COL19A1: variants seen among roughly 807,000 people sequenced by gnomAD.
The protein encoded by COL19A1 is collagen alpha-1(XIX) chain.
In COL19A1, 159 loss-of-function variants were observed where a neutral mutation model predicts 190.2. The ratio of observed to expected loss-of-function variants is 0.84; its 90% CI spans 0.73 to 0.95. The LOEUF (loss-of-function observed/expected upper bound fraction) is 0.95, where lower values mean the gene tolerates loss of function less well. COL19A1 is among the 40% of genes least tolerant of loss of function. COL19A1 has a pLI of 0.00. For synonymous variants in COL19A1, 509 were observed against 458.9 expected (o/e 1.11, Z -1.39); for missense variants, 1,418 against 1,431.9 (o/e 0.99, Z 0.16).
At chr6:70,084,958 C>G (rs1782494194) in intron 15 of COL19A1, among the ~76,000 whole-genome samples, 1 of 152,156 alleles carries the variant, frequency 6.6e-6, no homozygotes, top group Non-Finnish European at 1.5e-5. Context: ...CTTAGCCTCT[C>G]TGAGTCTCAG....
intron 14 of COL19A1, among the ~76,000 whole-genome samples, chr6:70,057,299 C>T (rs1192217292): frequency 6.6e-6 from 1 of 152,018 alleles, no homozygotes; most frequent in Admixed American, 6.6e-5. Flanking sequence ...CAGACCATGA[C>T]CTACCAATTT....
In COL19A1 at chr6:70,023,620, T is replaced by A. The variant is rs1357551300; in HGVS notation, c.1027-7T>A. On this transcript the variant is annotated splice_polypyrimidine_tract_variant and splice_region_variant and intron_variant, in intron 11 of 50. Transcript: ENST00000620364. ...GATTTTTCATTGTATAAATTGTTTC[T>A]TTTTAGGGTGAACAAGGAGAAAAAG... The A allele has an allele frequency of 6.2e-7, 1 of 1,605,506 alleles. No individual in the cohort carries two copies. The highest frequency in any genetic ancestry group is 2.2e-5 in the East Asian group (1 of 44,784).
chr6:70,022,578 T>G (rs1778473506), intron 11 of COL19A1, among the ~76,000 whole-genome samples: 1 of 152,162 alleles, frequency 6.6e-6, no homozygotes, highest in Admixed American at 6.5e-5. Flanking sequence ...TATACACTTT[T>G]CAGGTGGCAA....
intron 2 of COL19A1, chr6:69,879,975 A>G: frequency 2.7e-6 from 1 of 366,256 alleles, no homozygotes. Flanking sequence ...TTCAATAATT[A>G]TTCAAGTTAT....
intron 11 of COL19A1, among the ~76,000 whole-genome samples, chr6:69,965,729 T>G (rs1444445101): frequency 6.6e-6 from 1 of 152,180 alleles, no homozygotes; most frequent in Non-Finnish European, 1.5e-5. Context: ...AGATGACAGC[T>G]ATTTGCAGGT....
chr6:70,067,606 T>C (rs1230440173), intron 14 of COL19A1, among the ~76,000 whole-genome samples: 1 of 151,922 alleles, frequency 6.6e-6, no homozygotes, highest in Non-Finnish European at 1.5e-5. Flanking sequence ...TGGGAATTGC[T>C]GGTCTAGAGA....
intron 16 of COL19A1, among the ~76,000 whole-genome samples, chr6:70,116,917 A>G (rs1784612537): frequency 6.6e-6 from 1 of 152,200 alleles, no homozygotes; most frequent in Non-Finnish European, 1.5e-5. Flanking sequence ...GTAACCTGAA[A>G]ACATGTAATT....
At chr6:70,008,651 T>C (rs1400204089) in intron 11 of COL19A1, among the ~76,000 whole-genome samples, 1 of 151,674 alleles carries the variant, frequency 6.6e-6, no homozygotes, top group East Asian at 1.9e-4. Flanking sequence ...TTTTCAAAAA[T>C]CAAAAAGGAG....
Position 70,144,936 on chromosome 6 carries a change from A to T in COL19A1, c.1699A>T (p.Ile567Leu). 6.3e-7 allele frequency: 1 copy of T among 1,583,532 alleles called. No homozygotes were observed. Among genetic ancestry groups the T allele is most frequent in the Non-Finnish European group, 8.6e-7 (1 of 1,162,748 alleles). The change falls in exon 25 of 51, where the codon ATA (isoleucine) becomes TTA (leucine). Residue 567 changes from isoleucine (I) to leucine (L), a missense_variant. Transcript: ENST00000620364. Reference sequence around the variant, plus strand: ...TCTACAGGGAGATCCGGGTGGGATCATAGGCCCTCCCGGGCTTCCAGGTCC... The same window carrying T: ...TCTACAGGGAGATCCGGGTGGGATCTTAGGCCCTCCCGGGCTTCCAGGTCC... ...KGEKGDPGGI[I>L]GPPGLPGPKG...
chr6:70,101,742 A>G (rs1783643983), intron 15 of COL19A1, among the ~76,000 whole-genome samples: 1 of 152,182 alleles, frequency 6.6e-6, no homozygotes, highest in South Asian at 2.1e-4. Flanking sequence ...CATGTTTAAC[A>G]CCCAAACTCA....
At chr6:69,930,812 C>T (rs146362146) in intron 6 of COL19A1, among the ~76,000 whole-genome samples, 232 of 152,058 alleles carry the variant, frequency 1.5e-3, no homozygotes, top group African/African-American at 5.3e-3. Flanking sequence ...AAACAAAAAA[C>T]AAACAAACAA....
At chr6:69,981,784 A>G (rs140637488) in intron 11 of COL19A1, among the ~76,000 whole-genome samples, 2 of 152,258 alleles carry the variant, frequency 1.3e-5, no homozygotes, top group East Asian at 1.9e-4. Flanking sequence ...ACATAGATAC[A>G]TGCATTGCAT....
At chr6:69,901,768 TC>T (rs1770207603) in intron 4 of COL19A1, among the ~76,000 whole-genome samples, 1 of 152,242 alleles carries the variant, frequency 6.6e-6, no homozygotes, top group Non-Finnish European at 1.5e-5. Flanking sequence ...AGATGCATTT[TC>T]TCTCCCCATC....
chr6:69,926,045 G>A (rs1582424893), intron 4 of COL19A1, among the ~76,000 whole-genome samples: 1 of 152,138 alleles, frequency 6.6e-6, no homozygotes, highest in African/African-American at 2.4e-5. Flanking sequence ...GGGACAATTT[G>A]ACTTCCTCTT....
chr6:70,146,643 A>ATTTT lies in COL19A1; in HGVS notation c.1771-16_1771-15insTTTT. 1 of 1,592,658 alleles carries ATTTT rather than the reference A, an allele frequency of 6.3e-7. No homozygotes were observed. On this transcript the variant is annotated splice_polypyrimidine_tract_variant and intron_variant, in intron 25 of 50. Transcript: ENST00000620364. ...TTTCTAGAAGAAGATATGTATTCATACTTTTTTTCTTTTAGGGATTAGATG... is the reference window on the plus strand; with the variant it reads ...TTTCTAGAAGAAGATATGTATTCATATTTTCTTTTTTTCTTTTAGGGATTAGATG...
At position 70,079,759 on chromosome 6, in the gene COL19A1, T is replaced by G. The variant is rs1022151249; in HGVS notation, c.1224+11283T>G. ...AAGAGTGTAGTAGATATTGAGAAAG[T>G]CAGGGGATTATGAACTATTATTCTC... On this transcript the variant is annotated intron_variant, in intron 15 of 50. Transcript: ENST00000620364. 3.9e-5 allele frequency among the ~76,000 whole-genome samples: 6 copies of G among 152,206 alleles called. No homozygotes were observed. In the East Asian group the frequency reaches 1.2e-3, roughly 29 times the overall value.
At chr6:69,982,965 C>G (rs1384128067) in intron 11 of COL19A1, among the ~76,000 whole-genome samples, 1 of 145,172 alleles carries the variant, frequency 6.9e-6, no homozygotes, top group African/African-American at 2.6e-5. Flanking sequence ...GAGCGAGACT[C>G]TGTCTCAAAA....
In COL19A1 at chr6:70,079,479, G is replaced by A. The variant is rs557851148; in HGVS notation, c.1224+11003G>A. On this transcript the variant is annotated intron_variant, in intron 15 of 50. Coordinates refer to ENST00000620364, the MANE Select transcript of COL19A1 (RefSeq NM_001858.6). ...GGGAGAAACTAGAAAGAAAAGAACT[G>A]AAAGTAGAACCTTGAAATTTGGGTA... is the stretch of plus-strand genomic sequence containing the variant. Among the ~76,000 whole-genome samples, 4 of 152,290 alleles carry A rather than the reference G, an allele frequency of 2.6e-5. No homozygotes were observed. In the East Asian group the frequency reaches 5.8e-4, roughly 22 times the overall value.
At chr6:70,079,153 C>T (rs1782081522) in intron 15 of COL19A1, among the ~76,000 whole-genome samples, 1 of 152,210 alleles carries the variant, frequency 6.6e-6, no homozygotes. Flanking sequence ...ATGGGAGTGA[C>T]ATCAAGGAGA....
Sources: gnomAD v4.1 joint callset for allele counts (sites outside exome capture counted in the v4.1 genomes callset) on GRCh38, gnomAD v4.1.1 for gene constraint, MANE v1.5 for transcripts, NCBI Gene and HGNC (gene_info 2026-07-23, HGNC 2026-07-21) for gene names.